VPS13B: variants seen among roughly 807,000 people sequenced by gnomAD.
VPS13B encodes the protein intermembrane lipid transfer protein VPS13B.
VPS13B carries 285 observed loss-of-function variants against 426.4 expected under a neutral mutation model. That is an observed-to-expected ratio of 0.67 (90% CI 0.61 to 0.74). The LOEUF is 0.74. VPS13B is among the 30% of genes least tolerant of loss of function. VPS13B has a pLI of 0.00. For synonymous variants in VPS13B, 1,676 were observed against 1,676.4 expected, an observed-to-expected ratio of 1.00 and a Z score of 0.01; for missense variants, 4,537 against 4,782.6, an observed-to-expected ratio of 0.95 and a Z score of 1.51.
At chr8:99,079,582 C>G (rs1285264193) in intron 3 of VPS13B, among the ~76,000 whole-genome samples, 2 of 151,668 alleles carry the variant, frequency 1.3e-5, no homozygotes, top group Non-Finnish European at 2.9e-5. Context: ...TTTTATTTCT[C>G]CTTGTGTATA....
chr8:99,666,914 C>T (rs963416905), intron 35 of VPS13B, among the ~76,000 whole-genome samples: 1 of 152,110 alleles, frequency 6.6e-6, no homozygotes, highest in Non-Finnish European at 1.5e-5. Flanking sequence ...AAAACCCCAT[C>T]GTCTCAGCCC....
At chr8:99,215,556 G>T (rs1432063370) in intron 17 of VPS13B, among the ~76,000 whole-genome samples, 2 of 152,158 alleles carry the variant, frequency 1.3e-5, no homozygotes, top group African/African-American at 4.8e-5. Context: ...AAAGACATAG[G>T]TTGAGTCTGG....
chr8:99,021,254 T>C (rs777511529), intron 2 of VPS13B, among the ~76,000 whole-genome samples: 1 of 152,264 alleles, frequency 6.6e-6, no homozygotes, highest in Non-Finnish European at 1.5e-5. Context: ...AAAAGTTTGC[T>C]GTCCTGCTCT....
At position 99,525,329 on chromosome 8, in the gene VPS13B, A is replaced by G. The variant is rs190946059; in HGVS notation, c.4745+4319A>G. Among the ~76,000 whole-genome samples the G allele has an allele frequency of 1.1e-4, 17 of 152,324 alleles. No individual in the cohort carries two copies. In the East Asian group the frequency reaches 3.1e-3, roughly 28 times the overall value. On this transcript the variant is annotated intron_variant, in intron 30 of 61. Transcript: ENST00000357162. ...TTTCTCTTTGCCTGTTTGTTTGTTTATGCAATCAGTGTTGTCATAAGTTTA... is the reference window on the plus strand; with the variant it reads ...TTTCTCTTTGCCTGTTTGTTTGTTTGTGCAATCAGTGTTGTCATAAGTTTA...
At chr8:99,278,149 T>G (rs1189121696) in intron 19 of VPS13B, among the ~76,000 whole-genome samples, 1 of 152,108 alleles carries the variant, frequency 6.6e-6, no homozygotes, top group Non-Finnish European at 1.5e-5. Flanking sequence ...ACTAACTGGC[T>G]TTTTTTGGGT....
At chr8:99,558,097 T>C (rs1005939943) in intron 31 of VPS13B, among the ~76,000 whole-genome samples, 2 of 152,134 alleles carry the variant, frequency 1.3e-5, no homozygotes, top group Admixed American at 1.3e-4. Flanking sequence ...CATTTGTCCA[T>C]GTCTTGGCAA....
chr8:99,835,976 C>T (rs1278634550), intron 54 of VPS13B, among the ~76,000 whole-genome samples: 1 of 152,018 alleles, frequency 6.6e-6, no homozygotes, highest in Admixed American at 6.6e-5. Flanking sequence ...AAAAGCAGGC[C>T]CATCTTGGAT....
At chr8:99,075,453 G>A (rs1044961648) in intron 3 of VPS13B, among the ~76,000 whole-genome samples, 1 of 152,098 alleles carries the variant, frequency 6.6e-6, no homozygotes, top group African/African-American at 2.4e-5. Flanking sequence ...TAATTCCAAG[G>A]GTACAGTTCC....
chr8:99,378,142 C>CCCCA (rs1287976729), intron 19 of VPS13B, among the ~76,000 whole-genome samples: 1 of 139,260 alleles, frequency 7.2e-6, no homozygotes, highest in Non-Finnish European at 1.6e-5. Context: ...GAGCCCCCCC[C>CCCCA]CCCCGGAATG....
chr8:99,164,206 A>G (rs979206348), intron 15 of VPS13B, among the ~76,000 whole-genome samples: 1 of 152,120 alleles, frequency 6.6e-6, no homozygotes, highest in African/African-American at 2.4e-5. Context: ...TCTCGATTCT[A>G]GAGGAAACAA....
At chr8:99,444,958 C>A (rs754730187) in intron 23 of VPS13B, among the ~76,000 whole-genome samples, 1 of 151,972 alleles carries the variant, frequency 6.6e-6, no homozygotes, top group East Asian at 1.9e-4. Context: ...CTAATATTTT[C>A]TTCTATTCAA....
intron 2 of VPS13B, among the ~76,000 whole-genome samples, chr8:99,034,343 G>T (rs1410631729): frequency 2.6e-5 from 4 of 151,638 alleles, no homozygotes; most frequent in African/African-American, 9.7e-5. Flanking sequence ...AGCTAGTTAG[G>T]TATTTACTCT....
chr8:99,817,516 C>G (rs1563488663), intron 44 of VPS13B, 24 bp from the exon 45 acceptor site: 2 of 1,613,248 alleles, frequency 1.2e-6, no homozygotes, highest in Admixed American at 1.7e-5. Context: ...TTGATGAAGC[C>G]TTATATACTT....
intron 33 of VPS13B, among the ~76,000 whole-genome samples, chr8:99,639,167 G>C (rs1322703885): frequency 6.6e-6 from 1 of 152,128 alleles, no homozygotes; most frequent in Non-Finnish European, 1.5e-5. Flanking sequence ...CATACAATTA[G>C]AGAGTGTTGG....
At chr8:99,687,029 G>C (rs1171965565) in intron 35 of VPS13B, among the ~76,000 whole-genome samples, 1 of 151,986 alleles carries the variant, frequency 6.6e-6, no homozygotes, top group East Asian at 1.9e-4. Flanking sequence ...TATTGCCTGG[G>C]TGCTACTGCT....
intron 58 of VPS13B, among the ~76,000 whole-genome samples, chr8:99,863,359 A>G (rs1816931020): frequency 6.6e-6 from 1 of 152,104 alleles, no homozygotes; most frequent in South Asian, 2.1e-4. Flanking sequence ...GGAAGTGACA[A>G]TGAGGTTATA....
intron 6 of VPS13B, among the ~76,000 whole-genome samples, chr8:99,113,559 T>C (rs1244547299): frequency 6.6e-6 from 1 of 152,140 alleles, no homozygotes; most frequent in African/African-American, 2.4e-5. Flanking sequence ...CCAGATACTA[T>C]ATTTCTTTTC....
intron 3 of VPS13B, among the ~76,000 whole-genome samples, chr8:99,039,896 T>C (rs764030738): frequency 6.6e-6 from 1 of 152,160 alleles, no homozygotes; most frequent in African/African-American, 2.4e-5. Flanking sequence ...AAAAGTTACT[T>C]TGTGAACTTC....
intron 31 of VPS13B, among the ~76,000 whole-genome samples, chr8:99,568,299 A>T (rs10955217): frequency 0.38 from 53,327 of 140,216 alleles, 9,969 homozygotes; most frequent in Admixed American, 0.47. Context: ...TATTATTATT[A>T]TTTTTTTTTG....
Sources: allele counts gnomAD v4.1 joint callset (sites outside exome capture counted in the v4.1 genomes callset), GRCh38; gene constraint gnomAD v4.1.1; transcripts MANE v1.5; gene names NCBI Gene and HGNC (gene_info 2026-07-23, HGNC 2026-07-21).